The following AKAP19 variants were observed in gnomAD, a reference collection of about 807,000 sequenced individuals.
The protein encoded by AKAP19 is small A-kinase anchoring protein.
At chr2:190,022,036 TCTC>T in the AKAP19 span, among the ~76,000 whole-genome samples, 6 of 152,006 alleles carry the variant, frequency 3.9e-5, no homozygotes, top group African/African-American at 9.7e-5. Context: ...AGGTCTCTCT[TCTC>T]CTTCTTACAA....
the AKAP19 span, among the ~76,000 whole-genome samples, chr2:190,109,544 C>T: frequency 3.9e-5 from 6 of 152,090 alleles, no homozygotes; most frequent in Admixed American, 1.3e-4. Context: ...ATGCCTGCCT[C>T]TTGGGAGGGG....
the AKAP19 span, chr2:190,201,124 A>C: frequency 6.0e-6 from 1 of 166,970 alleles, no homozygotes; most frequent in Non-Finnish European, 1.5e-5. Flanking sequence ...TGAGGAGAGT[A>C]CTCGTTTTCT....
the AKAP19 span, among the ~76,000 whole-genome samples, chr2:189,987,795 T>G: frequency 6.6e-6 from 1 of 152,214 alleles, no homozygotes; most frequent in Admixed American, 6.5e-5. Flanking sequence ...CTCTTCTGTA[T>G]TTCCCATTCT....
chr2:190,180,453 G>A, the AKAP19 span: 8 of 985,186 alleles, frequency 8.1e-6, no homozygotes, highest in Non-Finnish European at 9.6e-6. The surrounding 1 kb of genome is among the most constrained non-coding windows in gnomAD (Gnocchi z 6.8). Context: ...CCAGGGGCAG[G>A]GCCAGCGAAA....
chr2:190,057,012 G>A, the AKAP19 span: 1 of 477,854 alleles, frequency 2.1e-6, no homozygotes, highest in African/African-American at 1.9e-5. Flanking sequence ...GAACATAAAT[G>A]TAATTTGATC....
At chr2:190,136,996 G>C in the AKAP19 span, among the ~76,000 whole-genome samples, 2 of 152,224 alleles carry the variant, frequency 1.3e-5, no homozygotes, top group African/African-American at 4.8e-5. Flanking sequence ...GTTGAAGGTA[G>C]TACATCCAGT....
chr2:190,084,993 T>C, the AKAP19 span, among the ~76,000 whole-genome samples: 7 of 152,166 alleles, frequency 4.6e-5, no homozygotes, highest in African/African-American at 1.7e-4. Flanking sequence ...ATCTTCTACT[T>C]TCTGCCCCTG....
the AKAP19 span, among the ~76,000 whole-genome samples, chr2:190,074,875 T>C: frequency 6.6e-6 from 1 of 152,108 alleles, no homozygotes; most frequent in African/African-American, 2.4e-5. Flanking sequence ...ATCTCAAAAA[T>C]GAAACCAGAA....
the AKAP19 span, among the ~76,000 whole-genome samples, chr2:190,068,242 G>A: frequency 6.6e-6 from 1 of 152,240 alleles, no homozygotes; most frequent in African/African-American, 2.4e-5. Context: ...TAGACTATGA[G>A]CTATTTGAAG....
At chr2:190,130,426 C>T in the AKAP19 span, among the ~76,000 whole-genome samples, 2 of 152,268 alleles carry the variant, frequency 1.3e-5, no homozygotes, top group Non-Finnish European at 2.9e-5. Context: ...CATATTCAAA[C>T]GTATCATTTT....
chr2:189,942,300 C>T, the AKAP19 span, among the ~76,000 whole-genome samples: 42 of 152,122 alleles, frequency 2.8e-4, no homozygotes, highest in African/African-American at 9.9e-4. Flanking sequence ...TGTTTCATTA[C>T]GTGATATGCC....
the AKAP19 span, among the ~76,000 whole-genome samples, chr2:190,160,213 G>A: frequency 6.6e-6 from 1 of 152,060 alleles, no homozygotes; most frequent in East Asian, 1.9e-4. Context: ...CATATTTAAT[G>A]GTCTCAGAAT....
chr2:189,895,535 G>T, the AKAP19 span, among the ~76,000 whole-genome samples: 9 of 151,980 alleles, frequency 5.9e-5, no homozygotes, highest in African/African-American at 9.7e-5. Flanking sequence ...TTGTATTTTT[G>T]AATAAAATAC....
chr2:190,161,626 G>A, the AKAP19 span, among the ~76,000 whole-genome samples: 1 of 152,074 alleles, frequency 6.6e-6, no homozygotes, highest in Non-Finnish European at 1.5e-5. Flanking sequence ...TCAGTTATAA[G>A]ACAAAATGCA....
the AKAP19 span, among the ~76,000 whole-genome samples, chr2:190,027,106 T>G: frequency 6.6e-6 from 1 of 152,228 alleles, no homozygotes; most frequent in Non-Finnish European, 1.5e-5. Flanking sequence ...AGTTCTTAAA[T>G]TGGCCCTTGG....
the AKAP19 span, among the ~76,000 whole-genome samples, chr2:190,133,918 A>G: frequency 6.6e-6 from 1 of 152,208 alleles, no homozygotes; most frequent in African/African-American, 2.4e-5. Flanking sequence ...GATTTCTTGT[A>G]CATTATGGTG....
chr2:190,177,330 G>A, the AKAP19 span, among the ~76,000 whole-genome samples: 4 of 152,092 alleles, frequency 2.6e-5, no homozygotes, highest in Admixed American at 1.3e-4. The surrounding 1 kb of genome is among the most constrained non-coding windows in gnomAD (Gnocchi z 4.6). Context: ...TCTAGCGTAC[G>A]TGAATTCTCT....
At chr2:189,975,981 C>A in the AKAP19 span, among the ~76,000 whole-genome samples, 2 of 152,224 alleles carry the variant, frequency 1.3e-5, no homozygotes, top group African/African-American at 4.8e-5. Context: ...CTTCTCTCAA[C>A]TAGTCAGTCA....
At chr2:190,004,598 G>A in the AKAP19 span, among the ~76,000 whole-genome samples, 3 of 146,250 alleles carry the variant, frequency 2.1e-5, no homozygotes, top group African/African-American at 5.1e-5. Context: ...TTTTTTTTGA[G>A]AGCAACATGT....
Sources: allele counts gnomAD v4.1 joint callset (sites outside exome capture counted in the v4.1 genomes callset), GRCh38; gene constraint gnomAD v4.1.1; non-coding constraint Gnocchi (gnomAD v3.1); transcripts MANE v1.5; gene names NCBI Gene and HGNC (gene_info 2026-07-23, HGNC 2026-07-21).